The following BABAM2 variants were observed in gnomAD, a reference collection of about 807,000 sequenced individuals.
BABAM2 encodes BRISC and BRCA1-A complex member 2.
A neutral mutation model predicts 54.7 loss-of-function variants in BABAM2; 31 were observed. That is an observed-to-expected ratio of 0.57 (90% CI 0.43 to 0.77). The LOEUF is 0.77. BABAM2 is among the 30% of genes least tolerant of loss of function. The pLI, the probability that BABAM2 is intolerant of heterozygous loss-of-function variation, is 0.00. For synonymous variants in BABAM2, 167 were observed against 162.9 expected, an observed-to-expected ratio of 1.03 and a Z score of -0.19; for missense variants, 364 against 455.8, an observed-to-expected ratio of 0.80 and a Z score of 1.83.
intron 3 of BABAM2, among the ~76,000 whole-genome samples, chr2:27,942,045 T>C (rs1668928743): frequency 1.3e-5 from 2 of 152,218 alleles, no homozygotes; most frequent in Non-Finnish European, 2.9e-5. Context: ...TGTGTGTGTG[T>C]GCTTGTGTGT....
intron 6 of BABAM2, among the ~76,000 whole-genome samples, chr2:28,100,229 G>A (rs1298490535): frequency 1.3e-5 from 2 of 151,878 alleles, no homozygotes; most frequent in Admixed American, 1.3e-4. Flanking sequence ...GGCGGGTGGG[G>A]ATGCCAATCA....
intron 3 of BABAM2, among the ~76,000 whole-genome samples, chr2:27,969,963 G>A (rs1322492291): frequency 6.6e-6 from 1 of 152,160 alleles, no homozygotes; most frequent in African/African-American, 2.4e-5. Context: ...AGGGAGTATG[G>A]TGGGTCACCA....
At chr2:28,054,607 A>G (rs1678251742) in intron 6 of BABAM2, among the ~76,000 whole-genome samples, 2 of 152,222 alleles carry the variant, frequency 1.3e-5, no homozygotes, top group Admixed American at 1.3e-4. Context: ...TAGAGGGCTA[A>G]CAGGCCTGAG....
chr2:28,196,966 T>G (rs1041114056), intron 7 of BABAM2, among the ~76,000 whole-genome samples: 1 of 147,004 alleles, frequency 6.8e-6, no homozygotes, highest in Non-Finnish European at 1.5e-5. Context: ...CACCTTGGCC[T>G]CCCGAATAGA....
chr2:28,196,542 A>G (rs1487852660), intron 7 of BABAM2, among the ~76,000 whole-genome samples: 1 of 151,748 alleles, frequency 6.6e-6, no homozygotes, highest in African/African-American at 2.4e-5. Context: ...CAGTTTATCA[A>G]TGAAAAGGTA....
intron 2 of BABAM2, among the ~76,000 whole-genome samples, chr2:27,924,458 C>A (rs1667538537): frequency 1.3e-5 from 2 of 152,068 alleles, no homozygotes; most frequent in Admixed American, 1.3e-4. Flanking sequence ...GATCTCAGCT[C>A]ACTGCAACCT....
chr2:28,128,373 C>A (rs188800157), intron 6 of BABAM2, among the ~76,000 whole-genome samples: 12 of 152,306 alleles, frequency 7.9e-5, no homozygotes, highest in African/African-American at 2.9e-4. Context: ...AAATTAAAAT[C>A]AATGTGTGCC....
intron 10 of BABAM2, among the ~76,000 whole-genome samples, chr2:28,260,663 G>A (rs56311503): frequency 0.21 from 31,456 of 151,976 alleles, 3,424 homozygotes; most frequent in Non-Finnish European, 0.23. Flanking sequence ...TTCCCTGTGC[G>A]TTCTAGAATC....
At chr2:28,211,653 T>C (rs1404519263) in intron 7 of BABAM2, among the ~76,000 whole-genome samples, 1 of 152,162 alleles carries the variant, frequency 6.6e-6, no homozygotes, top group Admixed American at 6.5e-5. Flanking sequence ...CCTCCCAAAG[T>C]GCTGGGATTA....
intron 11 of BABAM2, among the ~76,000 whole-genome samples, chr2:28,307,492 G>T (rs1321861527): frequency 6.7e-6 from 1 of 149,832 alleles, no homozygotes; most frequent in African/African-American, 2.5e-5. Context: ...TCTTCTGTTG[G>T]TGTGTTAGCT....
intron 9 of BABAM2, among the ~76,000 whole-genome samples, chr2:28,243,475 T>C (rs1188334010): frequency 6.6e-6 from 1 of 151,806 alleles, no homozygotes; most frequent in Non-Finnish European, 1.5e-5. Flanking sequence ...GAGGTTGCAG[T>C]GAACCGAGAT....
intron 7 of BABAM2, among the ~76,000 whole-genome samples, chr2:28,210,675 G>A (rs1044623718): frequency 2.6e-5 from 4 of 152,140 alleles, no homozygotes; most frequent in African/African-American, 9.7e-5. Flanking sequence ...GAAAAGCGAG[G>A]GCAAACAAGC....
intron 7 of BABAM2, among the ~76,000 whole-genome samples, chr2:28,211,049 G>A (rs1036816053): frequency 5.3e-5 from 8 of 152,110 alleles, no homozygotes; most frequent in African/African-American, 1.7e-4. Flanking sequence ...TTCTTTAAGT[G>A]TATCATATAC....
chr2:28,222,191 G>A (rs1272940721), intron 7 of BABAM2, among the ~76,000 whole-genome samples: 1 of 152,150 alleles, frequency 6.6e-6, no homozygotes, highest in Non-Finnish European at 1.5e-5. Flanking sequence ...TGCCTACACA[G>A]GGTTCTGTGG....
At chr2:28,213,568 C>T (rs1394186624) in intron 7 of BABAM2, among the ~76,000 whole-genome samples, 1 of 151,868 alleles carries the variant, frequency 6.6e-6, no homozygotes, top group Non-Finnish European at 1.5e-5. Context: ...CAGATCAGAC[C>T]TAATTAACTT....
At chr2:28,319,578 G>A (rs147446869) in intron 11 of BABAM2, among the ~76,000 whole-genome samples, 78 of 152,296 alleles carry the variant, frequency 5.1e-4, no homozygotes, top group African/African-American at 1.6e-3. Flanking sequence ...AGGACACAGC[G>A]GACTAGGCTA....
At chr2:28,250,921 GAA>G (rs1203458563) in intron 10 of BABAM2, among the ~76,000 whole-genome samples, 3 of 152,032 alleles carry the variant, frequency 2.0e-5, no homozygotes, top group Non-Finnish European at 4.4e-5. Flanking sequence ...TTTTAAAAGA[GAA>G]AAAAAGTTAT....
At chr2:28,147,697 T>C (rs1573682979) in intron 7 of BABAM2, among the ~76,000 whole-genome samples, 1 of 152,226 alleles carries the variant, frequency 6.6e-6, no homozygotes, top group South Asian at 2.1e-4. Flanking sequence ...ATGGTCTCGA[T>C]CTCCTGACCT....
At chr2:27,931,633 T>G (rs1308261674) in intron 3 of BABAM2, among the ~76,000 whole-genome samples, 1 of 152,186 alleles carries the variant, frequency 6.6e-6, no homozygotes, top group Non-Finnish European at 1.5e-5. Flanking sequence ...AATGGATCAC[T>G]TTAGACATTG....
Sources: gnomAD v4.1 joint callset for allele counts (sites outside exome capture counted in the v4.1 genomes callset) on GRCh38, gnomAD v4.1.1 for gene constraint, MANE v1.5 for transcripts, NCBI Gene and HGNC (gene_info 2026-07-23, HGNC 2026-07-21) for gene names.